RIGI: variants seen among roughly 807,000 people sequenced by gnomAD.
The protein encoded by RIGI is antiviral innate immune response receptor RIG-I.
the RIGI span, chr9:32,492,299 T>C: frequency 7.1e-7 from 1 of 1,398,944 alleles, no homozygotes; most frequent in Non-Finnish European, 9.9e-7. Flanking sequence ...GCTCTGGCTA[T>C]CTGAGGGGAA....
At chr9:32,487,690 A>G in the RIGI span, 9 of 1,585,084 alleles carry the variant, frequency 5.7e-6, no homozygotes, top group Middle Eastern at 1.7e-4. Context: ...TGTTTCCACA[A>G]CCCCTCATAT....
At chr9:32,515,864 G>A in the RIGI span, among the ~76,000 whole-genome samples, 5 of 152,006 alleles carry the variant, frequency 3.3e-5, no homozygotes, top group Non-Finnish European at 7.4e-5. Flanking sequence ...CTTGGTTTCC[G>A]TGATGCCTCC....
the RIGI span, among the ~76,000 whole-genome samples, chr9:32,483,239 C>T: frequency 6.6e-6 from 1 of 152,172 alleles, no homozygotes; most frequent in Non-Finnish European, 1.5e-5. Context: ...TTCTTCCCCT[C>T]ACTCATTCAT....
At chr9:32,499,309 G>A in the RIGI span, among the ~76,000 whole-genome samples, 1 of 44,914 alleles carries the variant, frequency 2.2e-5, no homozygotes, top group African/African-American at 7.8e-5. Context: ...CCCAGAGTTT[G>A]TGATTTGTTT....
chr9:32,478,172 T>G, the RIGI span, among the ~76,000 whole-genome samples: 1 of 151,880 alleles, frequency 6.6e-6, no homozygotes, highest in East Asian at 2.0e-4. Context: ...GCCTCTCAAG[T>G]AACTGGGATT....
the RIGI span, among the ~76,000 whole-genome samples, chr9:32,507,028 T>C: frequency 2.0e-5 from 3 of 152,236 alleles, no homozygotes; most frequent in Non-Finnish European, 4.4e-5. Context: ...CTCAAAAGGA[T>C]GCTATTTTGA....
chr9:32,516,222 C>CACAGTT, the RIGI span, among the ~76,000 whole-genome samples: 2,987 of 152,256 alleles, frequency 0.02, 105 homozygotes, highest in African/African-American at 0.067. Context: ...TGTTTTCCCA[C>CACAGTT]ACAGTTACAT....
the RIGI span, among the ~76,000 whole-genome samples, chr9:32,517,533 A>ATAAACTTCAGT: frequency 6.6e-6 from 1 of 152,242 alleles, no homozygotes; most frequent in African/African-American, 2.4e-5. Context: ...GCTGTCTTTA[A>ATAAACTTCAGT]AATTATTGGT....
chr9:32,461,113 AG>A, the RIGI span, among the ~76,000 whole-genome samples: 2 of 152,174 alleles, frequency 1.3e-5, no homozygotes, highest in East Asian at 3.8e-4. Context: ...ATTTGTCATT[AG>A]AAACGATGGA....
At chr9:32,475,018 C>G in the RIGI span, among the ~76,000 whole-genome samples, 1 of 152,188 alleles carries the variant, frequency 6.6e-6, no homozygotes, top group Non-Finnish European at 1.5e-5. Context: ...GTGGTGCAAT[C>G]TCAGCTCACC....
At chr9:32,489,207 T>C in the RIGI span, 6 of 569,102 alleles carry the variant, frequency 1.1e-5, no homozygotes, top group Non-Finnish European at 1.5e-5. Flanking sequence ...AACATTAGGA[T>C]TATATTAGGA....
chr9:32,463,949 A>C, the RIGI span, among the ~76,000 whole-genome samples: 1 of 116,872 alleles, frequency 8.6e-6, no homozygotes, highest in African/African-American at 3.1e-5. Context: ...CCAGAATGAA[A>C]CACCACCAAA....
chr9:32,504,159 T>A, the RIGI span, among the ~76,000 whole-genome samples: 1 of 151,996 alleles, frequency 6.6e-6, no homozygotes, highest in Non-Finnish European at 1.5e-5. Context: ...AGGAGAAACA[T>A]GGCTTCAGTG....
At chr9:32,500,891 T>C in the RIGI span, 2 of 1,613,996 alleles carry the variant, frequency 1.2e-6, no homozygotes, top group African/African-American at 1.3e-5. Flanking sequence ...TGTGGCAGCC[T>C]CCATTGGGCC....
the RIGI span, among the ~76,000 whole-genome samples, chr9:32,462,703 C>A: frequency 6.6e-6 from 1 of 152,058 alleles, no homozygotes; most frequent in African/African-American, 2.4e-5. Context: ...GCCACCACAC[C>A]CGGCTTCCTT....
At chr9:32,507,099 C>T in the RIGI span, among the ~76,000 whole-genome samples, 1 of 152,082 alleles carries the variant, frequency 6.6e-6, no homozygotes, top group African/African-American at 2.4e-5. Context: ...TAATAGCTAA[C>T]AGTAATTTAA....
chr9:32,518,511 TACAG>T, the RIGI span, among the ~76,000 whole-genome samples: 5 of 152,288 alleles, frequency 3.3e-5, no homozygotes, highest in African/African-American at 9.6e-5. Flanking sequence ...TACCTTTATG[TACAG>T]ACAGAGAAAA....
the RIGI span, among the ~76,000 whole-genome samples, chr9:32,516,925 T>G: frequency 3.3e-5 from 5 of 152,232 alleles, no homozygotes; most frequent in South Asian, 6.2e-4. Flanking sequence ...GCTTGTCTAT[T>G]GCTTCAGCAG....
the RIGI span, among the ~76,000 whole-genome samples, chr9:32,502,895 G>T: frequency 1.3e-5 from 2 of 152,146 alleles, no homozygotes; most frequent in African/African-American, 4.8e-5. Flanking sequence ...TGAACTAGGG[G>T]CCTGCCCTAC....
Sources: allele counts gnomAD v4.1 joint callset (sites outside exome capture counted in the v4.1 genomes callset), GRCh38; gene constraint gnomAD v4.1.1; transcripts MANE v1.5; gene names NCBI Gene and HGNC (gene_info 2026-07-23, HGNC 2026-07-21).